Variants in SLC25A19 observed in about 807,000 individuals in gnomAD.
SLC25A19 encodes mitochondrial thiamine pyrophosphate carrier.
A neutral mutation model predicts 27.9 loss-of-function variants in SLC25A19; 18 were observed. That is an observed-to-expected ratio of 0.64 (90% confidence interval 0.45 to 0.96). SLC25A19 has a LOEUF of 0.96. Ranked by LOEUF, SLC25A19 falls within the 40% of genes least tolerant of loss-of-function variation. The pLI is 0.00. For missense variants in SLC25A19, 371 were observed against 418.3 expected, an observed-to-expected ratio of 0.89 and a Z score of 0.99; for synonymous variants, 169 against 167.1, an observed-to-expected ratio of 1.01 and a Z score of -0.09.
chr17:75,273,373 C>T lies in SLC25A19; in HGVS notation c.*78G>A, dbSNP rs933157743. ...AGCTGGCCTGCAGGGAAGGGCCAGA[C>T]GGCACCTCTCAGTGGAGACTGAATC... On this transcript the variant is annotated 3_prime_UTR_variant, in exon 8 of 8. Transcript: ENST00000416858. 24 of 1,502,726 alleles carry T rather than the reference C, an allele frequency of 1.6e-5. No individual in the cohort carries two copies. The highest frequency in any genetic ancestry group is 1.1e-4 in the African/African-American group (8 of 72,694). 93.1% of individuals were successfully genotyped at this position (1,502,726 alleles called of 1,614,324 possible).
At position 75,282,257 on chromosome 17, in the gene SLC25A19, A is replaced by C. The variant is rs567069804; in HGVS notation, c.459+1166T>G. 6.9e-5 allele frequency among the ~76,000 whole-genome samples: 10 copies of C among 144,964 alleles called. No individual in the cohort carries two copies. In the South Asian group the frequency reaches 2.2e-3, roughly 32 times the overall value. ...AACAAAACAAGACACTGTCTCAAAAAATATATATATAGGCCAGGTGCGGTG... is the reference window on the plus strand; with the variant it reads ...AACAAAACAAGACACTGTCTCAAAACATATATATATAGGCCAGGTGCGGTG... On this transcript the variant is annotated intron_variant, in intron 5 of 7. Transcript: ENST00000416858.
intron 6 of SLC25A19, among the ~76,000 whole-genome samples, 169 bp downstream of exon 6, chr17:75,277,983 A>G (rs1264572822): frequency 6.6e-6 from 1 of 152,130 alleles, no homozygotes; most frequent in Non-Finnish European, 1.5e-5. Flanking sequence ...GAAGAAATCA[A>G]GTCCTCTCCA....
In SLC25A19 at chr17:75,273,334, ACC is replaced by A. The variant is rs1208000399; in HGVS notation, c.*115_*116del. On this transcript the variant is annotated 3_prime_UTR_variant, in exon 8 of 8. Transcript: ENST00000416858. ...CCAGCTGGGTGGGTTCAAGGCTGCT[ACC>A]CCGCTTGGGGCAGCTGGCCTGCAGG... 2.5e-6 allele frequency: 3 copies of A among 1,191,172 alleles called. No individual in the cohort carries two copies. In the East Asian group the frequency reaches 7.6e-5, roughly 30 times the overall value. The allele number at this position is 1,191,172 out of a possible 1,614,324, so 73.8% of individuals were successfully genotyped here.
At position 75,278,345 on chromosome 17, in the gene SLC25A19, C is replaced by A; in HGVS notation, c.460-10G>T. 1 of 1,614,100 alleles carries A rather than the reference C, an allele frequency of 6.2e-7. No homozygotes were observed. Among genetic ancestry groups the A allele is most frequent in the African/African-American group, 1.3e-5 (1 of 75,012 alleles). On this transcript the variant is annotated splice_polypyrimidine_tract_variant and intron_variant, in intron 5 of 7. Transcript: ENST00000416858. ...GCAGCGTATTATAGACCTGGACACACACACGCACTTTGAATGAGCTCAGTG... is the reference window on the plus strand; with the variant it reads ...GCAGCGTATTATAGACCTGGACACAAACACGCACTTTGAATGAGCTCAGTG...
intron 7 of SLC25A19, chr17:75,273,911 A>C (rs368994956): frequency 5.0e-5 from 20 of 396,364 alleles, no homozygotes; most frequent in Middle Eastern, 8.2e-4. Flanking sequence ...CAGGCACACA[A>C]CACCACGCCT....
At chr17:75,286,565 G>A in intron 3 of SLC25A19, 68 bp downstream of exon 3, 1 of 1,613,986 alleles carries the variant, frequency 6.2e-7, no homozygotes, top group Non-Finnish European at 8.5e-7. Flanking sequence ...CCAAGTTTTA[G>A]GAACTGCTTT....
Position 75,278,134 on chromosome 17 carries a change from G to A in SLC25A19, c.643+18C>T, listed in dbSNP as rs9901041. 0.01 allele frequency: 16,349 copies of A among 1,611,824 alleles called. 1,295 individuals are homozygous for A. In the African/African-American group the frequency reaches 0.18, roughly 18 times the overall value. On this transcript the variant is annotated intron_variant, in intron 6 of 7. Transcript: ENST00000416858. ...GGCTGGGGTGGGAGGGCTCCCTCTC[G>A]TGTGAGGGCTGCCTCACCATTTTTC...
chr17:75,283,769 A>T (rs1476471541), intron 4 of SLC25A19, among the ~76,000 whole-genome samples, 176 bp from the exon 5 acceptor site: 2 of 152,212 alleles, frequency 1.3e-5, no homozygotes, highest in African/African-American at 2.4e-5. Context: ...ATTCTACGCA[A>T]AACTCGGATG....
chr17:75,282,719 G>A (rs569685112), intron 5 of SLC25A19, among the ~76,000 whole-genome samples: 1 of 151,824 alleles, frequency 6.6e-6, no homozygotes, highest in South Asian at 2.1e-4. Context: ...GGGCGTGGTG[G>A]CGGGCACCTG....
chr17:75,287,801 G>GCA (rs1234629392), intron 2 of SLC25A19: 1 of 152,436 alleles, frequency 6.6e-6, no homozygotes, highest in Non-Finnish European at 1.5e-5. Flanking sequence ...TTCCCCTCCT[G>GCA]CACACACCTC....
chr17:75,283,303 A>G, intron 5 of SLC25A19, 120 bp downstream of exon 5: 1 of 1,167,286 alleles, frequency 8.6e-7, no homozygotes, highest in East Asian at 2.8e-5. Context: ...TCTGTCTCAA[A>G]CAAAACAAAA....
chr17:75,277,220 A>AAC, intron 7 of SLC25A19, 133 bp downstream of exon 7: 2 of 1,184,150 alleles, frequency 1.7e-6, no homozygotes, highest in Non-Finnish European at 1.2e-6. Context: ...TAGGGATCTC[A>AAC]AGGAATGGAC....
At chr17:75,275,569 A>C (rs1230993650) in intron 7 of SLC25A19, among the ~76,000 whole-genome samples, 1 of 152,140 alleles carries the variant, frequency 6.6e-6, no homozygotes, top group Non-Finnish European at 1.5e-5. Context: ...GGGAGTATGT[A>C]AAAATCTGAG....
chr17:75,284,246 T>C (rs1264348737), intron 4 of SLC25A19, among the ~76,000 whole-genome samples: 1 of 151,846 alleles, frequency 6.6e-6, no homozygotes, highest in Non-Finnish European at 1.5e-5. Context: ...CTACTAAAAA[T>C]ACAAAAATTA....
chr17:75,285,699 C>A (rs2078164175), intron 4 of SLC25A19, among the ~76,000 whole-genome samples: 1 of 152,230 alleles, frequency 6.6e-6, no homozygotes, highest in African/African-American at 2.4e-5. Flanking sequence ...GGAGGGACAA[C>A]AGCCCCTACC....
chr17:75,279,673 TA>T (rs2077986990), intron 5 of SLC25A19, among the ~76,000 whole-genome samples: 1 of 151,994 alleles, frequency 6.6e-6, no homozygotes, highest in African/African-American at 2.4e-5. Flanking sequence ...CACGCCCAAC[TA>T]ATTTTTGTAT....
At chr17:75,277,294 C>A (rs2077914487) in intron 7 of SLC25A19, 59 bp downstream of exon 7, 2 of 1,600,330 alleles carry the variant, frequency 1.2e-6, no homozygotes. Flanking sequence ...CTACTGGTTC[C>A]CTCATGTGCC....
At chr17:75,284,591 G>A (rs370788040) in intron 4 of SLC25A19, among the ~76,000 whole-genome samples, 1 of 151,568 alleles carries the variant, frequency 6.6e-6, no homozygotes, top group Admixed American at 6.6e-5. Flanking sequence ...GATTCTTTTG[G>A]GAGCATGTTC....
chr17:75,289,220 T>G (rs1173564363), intron 1 of SLC25A19, 134 bp downstream of exon 1: 1 of 152,348 alleles, frequency 6.6e-6, no homozygotes, highest in Non-Finnish European at 1.5e-5. Flanking sequence ...TCTGGTCTGG[T>G]GTGACACGTG....
Sources: gnomAD v4.1 joint callset for allele counts (sites outside exome capture counted in the v4.1 genomes callset) on GRCh38, gnomAD v4.1.1 for gene constraint, MANE v1.5 for transcripts, NCBI Gene and HGNC (gene_info 2026-07-23, HGNC 2026-07-21) for gene names.